Variants in SDK1 observed in about 807,000 individuals in gnomAD.
SDK1 encodes sidekick cell adhesion molecule 1, also known as protein sidekick-1.
Under a neutral mutation model 245.5 loss-of-function variants are expected in SDK1, and 157 were observed. That is an observed-to-expected ratio of 0.64 (90% CI 0.56 to 0.73). The LOEUF is 0.73. Ranked by LOEUF, SDK1 falls within the 30% of genes least tolerant of loss-of-function variation. The probability of loss-of-function intolerance (pLI) is 0.00; values close to 1 mark genes in which losing one functional copy is unlikely to be tolerated. For synonymous variants in SDK1, 1,647 were observed against 1,278.5 expected, an observed-to-expected ratio of 1.29 and a Z score of -6.15; for missense variants, 3,583 against 3,002.3, an observed-to-expected ratio of 1.19 and a Z score of -4.52.
chr7:3,429,833 C>A (rs1457386264), intron 1 of SDK1, among the ~76,000 whole-genome samples: 1 of 151,958 alleles, frequency 6.6e-6, no homozygotes, highest in Non-Finnish European at 1.5e-5. Context: ...TCAAGCAGTC[C>A]TCCTGCTTTG....
intron 22 of SDK1, among the ~76,000 whole-genome samples, chr7:4,099,431 C>T (rs1305975446): frequency 1.4e-5 from 2 of 143,654 alleles, no homozygotes; most frequent in Non-Finnish European, 3.0e-5. Context: ...AGGGAAGGGC[C>T]GGGCCAGGCA....
At chr7:3,813,507 A>G (rs973819327) in intron 4 of SDK1, among the ~76,000 whole-genome samples, 2 of 145,382 alleles carry the variant, frequency 1.4e-5, no homozygotes, top group African/African-American at 5.2e-5. Context: ...AATCCAGTCT[A>G]TCATTGTTGG....
At chr7:3,388,638 G>A (rs1036445465) in intron 1 of SDK1, among the ~76,000 whole-genome samples, 1 of 152,092 alleles carries the variant, frequency 6.6e-6, no homozygotes, top group Non-Finnish European at 1.5e-5. Context: ...AGTTTGAAAC[G>A]TATAAGCTGT....
chr7:3,451,288 G>A (rs545506043), intron 1 of SDK1, among the ~76,000 whole-genome samples: 25 of 151,668 alleles, frequency 1.6e-4, no homozygotes, highest in African/African-American at 3.6e-4. Flanking sequence ...AATAGGGACC[G>A]CTTTCCCACT....
In SDK1 at chr7:4,208,078, A is replaced by C. The variant is rs1468801198; in HGVS notation, c.5215-21A>C. 1.9e-6 allele frequency: 3 copies of C among 1,595,624 alleles called. No individual in the cohort carries two copies. The African/African-American group carries it at 4.0e-5, about 22-fold the overall frequency. ...GAAGGCTTCCCCAGGACCCACCCCAACCTCTTGCTGTTCCTAACAGATTTA... is the reference window on the plus strand; with the variant it reads ...GAAGGCTTCCCCAGGACCCACCCCACCCTCTTGCTGTTCCTAACAGATTTA... On this transcript the variant is annotated intron_variant, in intron 36 of 44. Transcript: ENST00000404826.
chr7:3,419,520 T>G (rs144219860), intron 1 of SDK1, among the ~76,000 whole-genome samples: 1 of 152,186 alleles, frequency 6.6e-6, no homozygotes. Flanking sequence ...GGTTGCTGTT[T>G]CGAAAGTATT....
intron 5 of SDK1, among the ~76,000 whole-genome samples, chr7:3,875,506 T>C (rs1013927830): frequency 7.9e-5 from 12 of 152,362 alleles, no homozygotes; most frequent in Non-Finnish European, 1.3e-4. Flanking sequence ...TTGCCTCTCC[T>C]ATGCAATCGT....
intron 1 of SDK1, among the ~76,000 whole-genome samples, chr7:3,574,411 C>T (rs754214339): frequency 9.9e-5 from 15 of 152,054 alleles, no homozygotes; most frequent in African/African-American, 2.4e-4. Flanking sequence ...CCACCGTGCC[C>T]GGCTCACATA....
intron 22 of SDK1, among the ~76,000 whole-genome samples, chr7:4,088,194 T>G (rs1159730540): frequency 6.6e-6 from 1 of 152,228 alleles, no homozygotes; most frequent in African/African-American, 2.4e-5. Flanking sequence ...GCCAGAAACT[T>G]TGGGAATTCT....
At chr7:3,998,015 C>T (rs568187009) in intron 14 of SDK1, among the ~76,000 whole-genome samples, 15 of 152,346 alleles carry the variant, frequency 9.8e-5, no homozygotes, top group East Asian at 1.9e-4. Flanking sequence ...TCTGCAGCCG[C>T]GGGTTTTGGC....
intron 1 of SDK1, among the ~76,000 whole-genome samples, chr7:3,527,654 G>A (rs970182853): frequency 6.6e-6 from 1 of 151,296 alleles, no homozygotes; most frequent in Non-Finnish European, 1.5e-5. Flanking sequence ...GGGAGGTGAG[G>A]TTGGAGGGAT....
At chr7:3,473,301 A>G (rs1312017585) in intron 1 of SDK1, among the ~76,000 whole-genome samples, 1 of 152,174 alleles carries the variant, frequency 6.6e-6, no homozygotes, top group Non-Finnish European at 1.5e-5. Flanking sequence ...CCTTTCCCAA[A>G]CTGGGGAATC....
intron 1 of SDK1, among the ~76,000 whole-genome samples, chr7:3,446,681 A>G (rs761263161): frequency 1.1e-4 from 17 of 152,182 alleles, no homozygotes; most frequent in South Asian, 4.1e-4. Flanking sequence ...AGCAATACCT[A>G]TTTTCAAACA....
In SDK1 at chr7:3,479,629, C is replaced by T. The variant is rs576094016; in HGVS notation, c.299-139451C>T. ...CTGTAATCCCAGCACTTTGGGAGGT[C>T]GAGGTGGGGGGATCATGAGGTCAGG... On this transcript the variant is annotated intron_variant, in intron 1 of 44. Transcript: ENST00000404826. 4.6e-5 allele frequency among the ~76,000 whole-genome samples: 7 copies of T among 151,098 alleles called. No individual in the cohort carries two copies. In the South Asian group the frequency reaches 1.0e-3, roughly 23 times the overall value.
rs77070244 is a variant in SDK1 at position 3,472,146 on chromosome 7, C to T, written c.299-146934C>T. On this transcript the variant is annotated intron_variant, in intron 1 of 44. Coordinates refer to ENST00000404826, the MANE Select transcript of SDK1 (RefSeq NM_152744.4). ...GTTGTGGGTTGGTAAATGCATAGTT[C>T]CCTCCATTACTTTTTCATGGCTGAA... is the stretch of plus-strand genomic sequence containing the variant. Among the ~76,000 whole-genome samples, 1,226 of 152,124 alleles carry T rather than the reference C, an allele frequency of 8.1e-3. 19 individuals carry two copies. The highest frequency in any genetic ancestry group is 0.028 in the African/African-American group (1,171 of 41,468).
intron 16 of SDK1, among the ~76,000 whole-genome samples, chr7:4,016,190 G>A (rs561010402): frequency 1.3e-3 from 202 of 152,366 alleles, no homozygotes; most frequent in African/African-American, 2.1e-3. Context: ...AGAGATCAGC[G>A]TCCTGGAGGA....
chr7:4,159,451 G>C (rs988567452), intron 31 of SDK1, among the ~76,000 whole-genome samples: 2 of 152,204 alleles, frequency 1.3e-5, no homozygotes, highest in South Asian at 2.1e-4. Context: ...GAACCTGCAA[G>C]AGCCTCCAAC....
At chr7:4,193,276 TA>T (rs1452236360) in intron 35 of SDK1, among the ~76,000 whole-genome samples, 1 of 134,884 alleles carries the variant, frequency 7.4e-6, no homozygotes, top group Non-Finnish European at 1.5e-5. Flanking sequence ...TAATTACATA[TA>T]AAATACATAT....
At chr7:3,342,824 A>C (rs1005116534) in intron 1 of SDK1, among the ~76,000 whole-genome samples, 1 of 152,240 alleles carries the variant, frequency 6.6e-6, no homozygotes, top group Non-Finnish European at 1.5e-5. Flanking sequence ...AAGAACTTTC[A>C]AAATTCAATA....
Sources: allele counts gnomAD v4.1 joint callset (sites outside exome capture counted in the v4.1 genomes callset), GRCh38; gene constraint gnomAD v4.1.1; transcripts MANE v1.5; gene names NCBI Gene and HGNC (gene_info 2026-07-23, HGNC 2026-07-21).